The following CASS4 variants were observed in gnomAD, a reference collection of about 807,000 sequenced individuals.
The protein encoded by CASS4 is cas scaffolding protein family member 4.
A neutral mutation model predicts 54.2 loss-of-function variants in CASS4; 22 were observed. The observed-to-expected ratio is 0.41, with a 90% CI of 0.29 to 0.58. The LOEUF is 0.58. CASS4 is among the 20% of genes least tolerant of loss of function. CASS4 has a pLI of 0.36. For synonymous variants in CASS4, 409 were observed against 391.5 expected, an observed-to-expected ratio of 1.04 and a Z score of -0.53; for missense variants, 854 against 986.7, an observed-to-expected ratio of 0.87 and a Z score of 1.80.
chr20:56,446,550 T>G (rs1023179639), intron 3 of CASS4, among the ~76,000 whole-genome samples: 1 of 152,212 alleles, frequency 6.6e-6, no homozygotes, highest in African/African-American at 2.4e-5. Flanking sequence ...TTGTTTTTTT[T>G]TAACTTGTTT....
At chr20:56,434,579 G>A (rs1980064751) in intron 1 of CASS4, among the ~76,000 whole-genome samples, 1 of 151,722 alleles carries the variant, frequency 6.6e-6, no homozygotes, top group African/African-American at 2.4e-5. Context: ...TGGGTCTACA[G>A]GTGCACGCCA....
chr20:56,447,289 G>C (rs1015766294), intron 3 of CASS4, among the ~76,000 whole-genome samples: 2 of 151,702 alleles, frequency 1.3e-5, no homozygotes, highest in African/African-American at 4.8e-5. Context: ...AAATTTAATT[G>C]TCCAGGCAAT....
At chr20:56,413,217 A>C (rs946124967) in intron 1 of CASS4, among the ~76,000 whole-genome samples, 2 of 152,074 alleles carry the variant, frequency 1.3e-5, no homozygotes, top group Admixed American at 6.6e-5. Flanking sequence ...ACCATATTAA[A>C]AAAAAATTTA....
Position 56,414,889 on chromosome 20 carries a change from C to T in CASS4, c.36+2395C>T, listed in dbSNP as rs550153558. 6.6e-6 allele frequency among the ~76,000 whole-genome samples: 1 copy of T among 152,196 alleles called. No homozygotes were observed. The highest frequency in any genetic ancestry group is 1.5e-5 in the Non-Finnish European group (1 of 68,004). On this transcript the variant is annotated intron_variant, in intron 1 of 5. Transcript: ENST00000679887. This position sits in a 1 kb window ranked among gnomAD's most constrained non-coding sequence, Gnocchi z 4.1. ...TTTATATATATATATAAATAGTAGC[C>T]AACCCTTACCGATTGTCTACATGTG... is the stretch of plus-strand genomic sequence containing the variant.
chr20:56,422,617 A>G (rs959315495), intron 1 of CASS4, among the ~76,000 whole-genome samples: 1 of 152,072 alleles, frequency 6.6e-6, no homozygotes, highest in Admixed American at 6.6e-5. Context: ...TCTGGCCACA[A>G]CCTCCTCCTC....
Position 56,437,122 on chromosome 20 carries a change from C to T in CASS4, c.37-42C>T, listed in dbSNP as rs779403276. The T allele has an allele frequency of 6.7e-6, 10 of 1,490,238 alleles. No homozygotes were observed. The highest frequency in any genetic ancestry group is 2.8e-5 in the African/African-American group (2 of 71,164). The allele number at this position is 1,490,238 out of a possible 1,614,324, so 92.3% of individuals were successfully genotyped here. On this transcript the variant is annotated intron_variant, in intron 1 of 5. Coordinates refer to ENST00000679887, the MANE Select transcript of CASS4 (RefSeq NM_020356.4). This position sits in a 1 kb window ranked among gnomAD's most constrained non-coding sequence, Gnocchi z 4.7. ...GGATTGGAGTAGCAGTCACTGGCCACGGTGCTAACTGCAAATTCTCTTCTC... is the reference window on the plus strand; with the variant it reads ...GGATTGGAGTAGCAGTCACTGGCCATGGTGCTAACTGCAAATTCTCTTCTC...
intron 1 of CASS4, among the ~76,000 whole-genome samples, chr20:56,426,136 A>T (rs1322027431): frequency 2.0e-5 from 3 of 152,156 alleles, no homozygotes; most frequent in Non-Finnish European, 4.4e-5. Flanking sequence ...TGCTAAGCAG[A>T]GTGGTTTGTA....
Position 56,412,889 on chromosome 20 carries a change from G to A in CASS4, c.36+395G>A, listed in dbSNP as rs1023664610. On this transcript the variant is annotated intron_variant, in intron 1 of 5. Coordinates refer to ENST00000679887, the MANE Select transcript of CASS4 (RefSeq NM_020356.4). The surrounding 1 kb of genome is among the most constrained non-coding windows in gnomAD (Gnocchi z 4.2). ...TGGTTTCTGTGCTCACCTCCCAACA[G>A]CAGAGCCCAGACCCTTGCCTGCAGC... Among the ~76,000 whole-genome samples, 2 of 152,172 alleles carry A rather than the reference G, an allele frequency of 1.3e-5. No individual in the cohort carries two copies. Among genetic ancestry groups the A allele is most frequent in the African/African-American group, 4.8e-5 (2 of 41,446 alleles).
chr20:56,421,893 G>A (rs781260823), intron 1 of CASS4, among the ~76,000 whole-genome samples: 2 of 152,214 alleles, frequency 1.3e-5, no homozygotes, highest in African/African-American at 4.8e-5. Flanking sequence ...GCACCTGCAT[G>A]TTATTTTCTC....
In CASS4 at chr20:56,412,272, A is replaced by T; in HGVS notation, c.-187A>T. 1 of 647,250 alleles carries T rather than the reference A, an allele frequency of 1.5e-6. No homozygotes were observed. Among genetic ancestry groups the T allele is most frequent in the Non-Finnish European group, 2.7e-6 (1 of 367,252 alleles). The allele number at this position is 647,250 out of a possible 1,614,324, so 40.1% of individuals were successfully genotyped here. ...GCTTCACTGCTTTCATTTTACTCTT[A>T]TCGTGCTTTCCAGAAAGTTTGCCTG... On this transcript the variant is annotated 5_prime_UTR_variant, in exon 1 of 6. Transcript: ENST00000679887. This position sits in a 1 kb window ranked among gnomAD's most constrained non-coding sequence, Gnocchi z 4.2.
At position 56,429,672 on chromosome 20, in the gene CASS4, A is replaced by G. The variant is rs544728682; in HGVS notation, c.37-7492A>G. ...CACCCACGCACTCCGGCCTCCACAC[A>G]TTCCTCTTCCTCTGCCTGAATGCTC... On this transcript the variant is annotated intron_variant, in intron 1 of 5. Coordinates refer to ENST00000679887, the MANE Select transcript of CASS4 (RefSeq NM_020356.4). 1.5e-4 allele frequency among the ~76,000 whole-genome samples: 23 copies of G among 151,608 alleles called. No individual in the cohort carries two copies. The South Asian group carries it at 4.6e-3, about 30-fold the overall frequency.
Position 56,432,038 on chromosome 20 carries a change from T to C in CASS4, c.37-5126T>C, listed in dbSNP as rs141525889. Among the ~76,000 whole-genome samples, 687 of 152,298 alleles carry C rather than the reference T, an allele frequency of 4.5e-3. 5 individuals are homozygous for C. The highest frequency in any genetic ancestry group is 0.016 in the African/African-American group (664 of 41,572). On this transcript the variant is annotated intron_variant, in intron 1 of 5. Transcript: ENST00000679887. ...TCAATTTTGATCAATTAATAGGGAA[T>C]CAATGAAATGTTAAAACTAGGTCAA...
chr20:56,435,171 C>A (rs1980095804), intron 1 of CASS4, among the ~76,000 whole-genome samples: 1 of 152,142 alleles, frequency 6.6e-6, no homozygotes, highest in South Asian at 2.1e-4. Flanking sequence ...TCCACACAGA[C>A]CTGCTTGTCT....
intron 1 of CASS4, among the ~76,000 whole-genome samples, chr20:56,418,762 ATG>A (rs956937363): frequency 1.3e-5 from 2 of 152,214 alleles, no homozygotes; most frequent in Non-Finnish European, 2.9e-5. Context: ...GCTTCTATTT[ATG>A]TGTGTTACGT....
chr20:56,437,573 G>C lies in CASS4; in HGVS notation c.446G>C (p.Ser149Thr), dbSNP rs760948691. 6.5e-7 allele frequency: 1 copy of C among 1,537,540 alleles called. No individual in the cohort carries two copies. Among genetic ancestry groups the C allele is most frequent in the Non-Finnish European group, 8.7e-7 (1 of 1,143,128 alleles). ...AGAATCATCTGTGAAAAGACTCTCA[G>C]CTTTCCAAAACAGGTACGCATACTT... Reference protein sequence around the residue: ...SARIICEKTLSFPKQAILTLP... With the variant: ...SARIICEKTLTFPKQAILTLP... Residue 149 changes from serine to threonine, a missense_variant, in exon 2 of 6, where the codon AGC becomes ACC. Ser to Thr is a moderately conservative substitution (Grantham distance 58). Coordinates refer to ENST00000679887, the MANE Select transcript of CASS4 (RefSeq NM_020356.4). The surrounding 1 kb of genome is among the most constrained non-coding windows in gnomAD (Gnocchi z 4.7).
intron 1 of CASS4, among the ~76,000 whole-genome samples, chr20:56,423,620 C>T (rs1979508453): frequency 6.6e-6 from 1 of 152,168 alleles, no homozygotes; most frequent in South Asian, 2.1e-4. Flanking sequence ...TCTCAGCTCA[C>T]TGCAACCTCC....
intron 1 of CASS4, among the ~76,000 whole-genome samples, chr20:56,418,347 CAA>C (rs1284189754): frequency 1.3e-5 from 2 of 152,066 alleles, no homozygotes; most frequent in South Asian, 2.1e-4. Context: ...AAGAGTAAAC[CAA>C]GAGAGAGAGG....
In CASS4 at chr20:56,451,838, T is replaced by A. The variant is rs1404979572; in HGVS notation, c.662T>A (p.Ile221Lys). 1 of 1,612,454 alleles carries A rather than the reference T, an allele frequency of 6.2e-7. No homozygotes were observed. The highest frequency in any genetic ancestry group is 1.1e-5 in the South Asian group (1 of 91,010). The change falls in exon 5 of 6, where the codon ATA (isoleucine) becomes AAA (lysine). Residue 221 changes from isoleucine (I) to lysine (K), a missense_variant. Transcript: ENST00000679887. Reference sequence around the variant, plus strand: ...CCACAGGGGCAGGGTGTTCCCCTGATATCAGTGACTACCTTAAGAAGAGGC... The same window carrying A: ...CCACAGGGGCAGGGTGTTCCCCTGAAATCAGTGACTACCTTAAGAAGAGGC... The part of the protein sequence containing the change: ...SQASGQGVPL[I>K]SVTTLRRGGY...
chr20:56,442,376 T>C (rs1555805693), intron 2 of CASS4, among the ~76,000 whole-genome samples: 1 of 151,836 alleles, frequency 6.6e-6, no homozygotes, highest in Non-Finnish European at 1.5e-5. Context: ...ACACAGCTGA[T>C]GAAGTACGAC....
Sources: gnomAD v4.1 joint callset for allele counts (sites outside exome capture counted in the v4.1 genomes callset) on GRCh38, gnomAD v4.1.1 for gene constraint, Gnocchi (gnomAD v3.1) non-coding constraint, MANE v1.5 for transcripts, NCBI Gene and HGNC (gene_info 2026-07-23, HGNC 2026-07-21) for gene names.